Variants in GNAT3 observed in about 807,000 individuals in gnomAD.
GNAT3 encodes G protein subunit alpha transducin 3, also known as guanine nucleotide-binding protein G(t) subunit alpha-3.
A neutral mutation model predicts 37.7 loss-of-function variants in GNAT3; 31 were observed. The observed-to-expected ratio is 0.82, with a 90% CI of 0.62 to 1.11. The LOEUF is 1.11. Ranked by LOEUF, GNAT3 falls within the 50% of genes most tolerant of loss-of-function variation. The pLI, the probability that GNAT3 is intolerant of heterozygous loss-of-function variation, is 0.00. For synonymous variants in GNAT3, 138 were observed against 139.8 expected (o/e 0.99, Z 0.09); for missense variants, 437 against 412.5 (o/e 1.06, Z -0.51).
At chr7:80,487,731 C>T (rs1419475771) in intron 3 of GNAT3, 1 of 152,078 alleles carries the variant, frequency 6.6e-6, no homozygotes, top group Non-Finnish European at 1.5e-5. Flanking sequence ...CTGGCATCCT[C>T]TGGAGGTAAC....
intron 7 of GNAT3, among the ~76,000 whole-genome samples, chr7:80,461,319 G>A (rs1375124624): frequency 2.0e-5 from 3 of 151,994 alleles, no homozygotes; most frequent in Non-Finnish European, 2.9e-5. Context: ...ACGCCAAGGT[G>A]GACAGATCAC....
At chr7:80,510,805 A>T (rs1791051904) in intron 1 of GNAT3, among the ~76,000 whole-genome samples, 1 of 152,176 alleles carries the variant, frequency 6.6e-6, no homozygotes. Flanking sequence ...CAACGAAGGA[A>T]TACTTAAATA....
At chr7:80,504,893 C>T (rs369040282) in intron 1 of GNAT3, among the ~76,000 whole-genome samples, 3 of 152,240 alleles carry the variant, frequency 2.0e-5, no homozygotes, top group African/African-American at 7.2e-5. Flanking sequence ...GTGCGACGAG[C>T]TGCCTTTGGA....
At chr7:80,478,785 T>A in intron 4 of GNAT3, 56 bp downstream of exon 4, 1 of 1,531,926 alleles carries the variant, frequency 6.5e-7, no homozygotes, top group Admixed American at 1.8e-5. Context: ...TGCAGAATTA[T>A]AATTCTTAAT....
At chr7:80,500,023 T>A (rs193076033) in intron 1 of GNAT3, among the ~76,000 whole-genome samples, 1 of 152,298 alleles carries the variant, frequency 6.6e-6, no homozygotes, top group African/African-American at 2.4e-5. Flanking sequence ...TCCTTTCTTG[T>A]GGAACATGAT....
Position 80,475,361 on chromosome 7 carries a change from TAAA to T in GNAT3, c.462-985_462-983del, listed in dbSNP as rs79721201. ...TTGAAACGAGATAATGTCTTCATAC[TAAA>T]AAAAAAAAAAAAAAGTGTTTTATTG... On this transcript the variant is annotated intron_variant, in intron 4 of 7. Transcript: ENST00000398291. 7.1e-4 allele frequency among the ~76,000 whole-genome samples: 86 copies of T among 121,086 alleles called. 3 individuals carry two copies. The South Asian group carries it at 0.022, about 31-fold the overall frequency. 79.4% of individuals were successfully genotyped at this position (121,086 alleles called of 152,430 possible).
intron 1 of GNAT3, among the ~76,000 whole-genome samples, chr7:80,498,612 A>T (rs540848050): frequency 2.4e-4 from 36 of 152,280 alleles, no homozygotes; most frequent in African/African-American, 7.5e-4. Context: ...CATAGTTCAC[A>T]ATAGTCATTT....
At chr7:80,462,440 A>G (rs1584165586) in intron 6 of GNAT3, 62 bp downstream of exon 6, 11 of 1,581,456 alleles carry the variant, frequency 7.0e-6, no homozygotes, top group South Asian at 1.1e-5. Flanking sequence ...GCAATGTGGT[A>G]GTACTACTGA....
intron 7 of GNAT3, among the ~76,000 whole-genome samples, chr7:80,460,455 A>G (rs1790030245): frequency 6.6e-6 from 1 of 152,194 alleles, no homozygotes; most frequent in African/African-American, 2.4e-5. Flanking sequence ...GTGAACCCTA[A>G]TTAAATGATG....
At chr7:80,460,102 A>G (rs2116132671) in intron 7 of GNAT3, among the ~76,000 whole-genome samples, 1 of 152,346 alleles carries the variant, frequency 6.6e-6, no homozygotes, top group Non-Finnish European at 1.5e-5. Flanking sequence ...CTGAAAGGAT[A>G]AACTGTGGTT....
At chr7:80,472,127 T>A (rs770646071) in intron 5 of GNAT3, among the ~76,000 whole-genome samples, 10 of 151,982 alleles carry the variant, frequency 6.6e-5, no homozygotes, top group Non-Finnish European at 1.5e-4. Flanking sequence ...TCTCATATAT[T>A]GATAATTTTT....
chr7:80,481,843 C>A (rs1790396699), intron 3 of GNAT3, among the ~76,000 whole-genome samples: 1 of 152,116 alleles, frequency 6.6e-6, no homozygotes. Context: ...TGATTCTAGG[C>A]CTTTAGACAA....
At chr7:80,461,924 A>T (rs1031122798) in intron 7 of GNAT3, among the ~76,000 whole-genome samples, 1 of 152,138 alleles carries the variant, frequency 6.6e-6, no homozygotes, top group Non-Finnish European at 1.5e-5. Context: ...TAGAGTAGCA[A>T]CCCTGGTCCA....
chr7:80,497,575 T>TACGTATATACACATACGTATATACAC lies in GNAT3; in HGVS notation c.119-2929_119-2928insGTGTATATACGTATGTGTATATACGT, dbSNP rs1562732693. Among the ~76,000 whole-genome samples, 58 of 142,102 alleles carry TACGTATATACACATACGTATATACAC rather than the reference T, an allele frequency of 4.1e-4. 1 individual carries two copies. The highest frequency in any genetic ancestry group is 1.6e-3 in the African/African-American group (58 of 37,054). 93.2% of individuals were successfully genotyped at this position (142,102 alleles called of 152,430 possible). ...ACGTATATACATATACGTATATACA[T>TACGTATATACACATACGTATATACAC]ATACGTATATACATATACGTATATA... On this transcript the variant is annotated intron_variant, in intron 1 of 7. Transcript: ENST00000398291.
At chr7:80,470,918 G>A (rs1790203604) in intron 5 of GNAT3, among the ~76,000 whole-genome samples, 1 of 151,708 alleles carries the variant, frequency 6.6e-6, no homozygotes, top group Non-Finnish European at 1.5e-5. Flanking sequence ...CTGATTCTGG[G>A]TGTGTCTGTG....
At chr7:80,503,710 C>T (rs1489425060) in intron 1 of GNAT3, among the ~76,000 whole-genome samples, 1 of 152,158 alleles carries the variant, frequency 6.6e-6, no homozygotes, top group Non-Finnish European at 1.5e-5. Context: ...CATAAAGATA[C>T]ATGGGCAGCA....
chr7:80,475,283 A>G (rs1790284382), intron 4 of GNAT3, among the ~76,000 whole-genome samples: 2 of 151,808 alleles, frequency 1.3e-5, no homozygotes, highest in South Asian at 2.1e-4. Flanking sequence ...TGTGTATGCT[A>G]TAACAGTCTG....
At chr7:80,492,599 A>T (rs950205238) in intron 2 of GNAT3, among the ~76,000 whole-genome samples, 11 of 151,782 alleles carry the variant, frequency 7.2e-5, no homozygotes, top group Middle Eastern at 3.6e-3. Flanking sequence ...TCATTATCTT[A>T]AATAGTGATA....
chr7:80,502,542 C>T (rs10258426), intron 1 of GNAT3, among the ~76,000 whole-genome samples: 10,875 of 151,840 alleles, frequency 0.072, 944 homozygotes, highest in African/African-American at 0.2. Flanking sequence ...TTAAAAAGGC[C>T]TTGGTTAATC....
Sources: gnomAD v4.1 joint callset for allele counts (sites outside exome capture counted in the v4.1 genomes callset) on GRCh38, gnomAD v4.1.1 for gene constraint, MANE v1.5 for transcripts, NCBI Gene and HGNC (gene_info 2026-07-23, HGNC 2026-07-21) for gene names.